The following EXOC2 variants were observed in gnomAD, a reference collection of about 807,000 sequenced individuals.
EXOC2 encodes SEC5-like 1.
EXOC2 carries 70 observed loss-of-function variants against 131.8 expected under a neutral mutation model. That is an observed-to-expected ratio of 0.53 (90% CI 0.44 to 0.65). The LOEUF (loss-of-function observed/expected upper bound fraction) is 0.65. Ranked by LOEUF, EXOC2 falls within the 30% of genes least tolerant of loss-of-function variation. The pLI is 0.00. For synonymous variants in EXOC2, 411 were observed against 398.4 expected (o/e 1.03, Z -0.38); for missense variants, 923 against 1,108.6 (o/e 0.83, Z 2.38).
At chr6:606,098 A>C (rs1760394333) in intron 7 of EXOC2, among the ~76,000 whole-genome samples, 1 of 152,214 alleles carries the variant, frequency 6.6e-6, no homozygotes, top group Non-Finnish European at 1.5e-5. Flanking sequence ...TAAAAAAGGA[A>C]GAGTTCGTGT....
intron 6 of EXOC2, among the ~76,000 whole-genome samples, chr6:611,194 G>A (rs1473633527): frequency 1.3e-5 from 2 of 152,202 alleles, no homozygotes; most frequent in African/African-American, 4.8e-5. Flanking sequence ...GATGGACTAT[G>A]CCTAAGCATT....
chr6:526,708 G>A (rs912616208), intron 23 of EXOC2, among the ~76,000 whole-genome samples: 8 of 152,030 alleles, frequency 5.3e-5, no homozygotes, highest in East Asian at 1.9e-4. Context: ...CCAAAATGCC[G>A]GGATTACAGG....
intron 2 of EXOC2, among the ~76,000 whole-genome samples, chr6:634,820 TA>T (rs1233248981): frequency 6.6e-6 from 1 of 152,206 alleles, no homozygotes; most frequent in Non-Finnish European, 1.5e-5. Flanking sequence ...ATGTCTTTGA[TA>T]TTTTTTCTAA....
intron 23 of EXOC2, among the ~76,000 whole-genome samples, chr6:508,045 TA>T (rs1303994527): frequency 6.6e-6 from 1 of 152,226 alleles, no homozygotes; most frequent in Non-Finnish European, 1.5e-5. Context: ...CCTATGAATA[TA>T]TTTTTTTCCT....
chr6:571,748 A>G (rs1227302980), intron 13 of EXOC2, among the ~76,000 whole-genome samples: 1 of 152,226 alleles, frequency 6.6e-6, no homozygotes, highest in Non-Finnish European at 1.5e-5. Context: ...CTCTTGGTGT[A>G]GAGTCGGTCT....
intron 6 of EXOC2, among the ~76,000 whole-genome samples, chr6:610,917 G>C (rs1342744116): frequency 6.6e-6 from 1 of 152,290 alleles, no homozygotes; most frequent in African/African-American, 2.4e-5. Flanking sequence ...GAGTATATTT[G>C]GGGAAGAACC....
intron 23 of EXOC2, chr6:525,601 T>C (rs1467086317): frequency 6.6e-6 from 1 of 152,222 alleles, no homozygotes. Context: ...GGGTATGCTG[T>C]CTCCATGAAG....
intron 11 of EXOC2, among the ~76,000 whole-genome samples, chr6:583,819 C>T (rs1759049528): frequency 2.6e-5 from 4 of 152,202 alleles, no homozygotes; most frequent in South Asian, 4.1e-4. Context: ...CCTGGAGGTC[C>T]GCCCACTGGC....
At chr6:644,116 T>TATA (rs1561963563) in intron 1 of EXOC2, among the ~76,000 whole-genome samples, 7 of 152,216 alleles carry the variant, frequency 4.6e-5, no homozygotes, top group Middle Eastern at 3.4e-3. Flanking sequence ...ATATCAAGCC[T>TATA]ATATGAATTA....
intron 22 of EXOC2, among the ~76,000 whole-genome samples, chr6:536,064 C>T (rs1056697715): frequency 3.3e-5 from 5 of 152,090 alleles, no homozygotes; most frequent in Non-Finnish European, 7.4e-5. Flanking sequence ...AGGGCATCTA[C>T]AAAATGGTAC....
chr6:611,925 T>C (rs1162473222), intron 6 of EXOC2, among the ~76,000 whole-genome samples: 1 of 152,232 alleles, frequency 6.6e-6, no homozygotes, highest in African/African-American at 2.4e-5. Flanking sequence ...CTACAATTAT[T>C]TGATCATTTT....
chr6:632,891 C>G (rs761141897), intron 3 of EXOC2, 50 bp downstream of exon 3: 3 of 1,542,850 alleles, frequency 1.9e-6, no homozygotes, highest in South Asian at 2.5e-5. Flanking sequence ...GCTTAAAAGA[C>G]AAACTCATTT....
intron 23 of EXOC2, 148 bp downstream of exon 23, chr6:532,321 G>C: frequency 1.2e-6 from 1 of 811,424 alleles, no homozygotes; most frequent in African/African-American, 1.8e-5. Flanking sequence ...CCAAGAAATG[G>C]GTTTAAGCAA....
At chr6:644,280 G>C (rs1762484175) in intron 1 of EXOC2, among the ~76,000 whole-genome samples, 1 of 152,012 alleles carries the variant, frequency 6.6e-6, no homozygotes, top group Non-Finnish European at 1.5e-5. Context: ...AGAAGCCTTT[G>C]ATAAAACTCA....
At chr6:624,695 G>A (rs1278927441) in intron 4 of EXOC2, among the ~76,000 whole-genome samples, 2 of 152,194 alleles carry the variant, frequency 1.3e-5, no homozygotes, top group African/African-American at 4.8e-5. Context: ...AATCCGTAAA[G>A]ATGACAATGC....
At chr6:654,802 T>TAAAAAAAAA in intron 1 of EXOC2, among the ~76,000 whole-genome samples, 1 of 3,992 alleles carries the variant, frequency 2.5e-4, no homozygotes, top group Non-Finnish European at 6.5e-4. Flanking sequence ...AGACCCTGTC[T>TAAAAAAAAA]CAAAAAAAAA....
At chr6:655,835 C>T (rs530046963) in intron 1 of EXOC2, 3 of 304,900 alleles carry the variant, frequency 9.8e-6, no homozygotes, top group South Asian at 1.1e-4. Flanking sequence ...CATTACAACC[C>T]TGTTTTTCCC....
chr6:510,378 A>AT (rs958693609), intron 23 of EXOC2, among the ~76,000 whole-genome samples: 45 of 150,206 alleles, frequency 3.0e-4, no homozygotes, highest in South Asian at 1.1e-3. Flanking sequence ...CCATCCCAGG[A>AT]TTTTTTTTTT....
intron 1 of EXOC2, chr6:656,157 A>G (rs1279219845): frequency 9.3e-6 from 15 of 1,614,080 alleles, no homozygotes; most frequent in Non-Finnish European, 1.1e-5. Context: ...TTGAACCAAA[A>G]CAAGCTGAAG....
Sources: allele counts gnomAD v4.1 joint callset (sites outside exome capture counted in the v4.1 genomes callset), GRCh38; gene constraint gnomAD v4.1.1; transcripts MANE v1.5; gene names NCBI Gene and HGNC (gene_info 2026-07-23, HGNC 2026-07-21).